Variants in LHFPL3 observed in about 807,000 individuals in gnomAD.
LHFPL3 encodes the protein LHFPL tetraspan subfamily member 3 protein.
LHFPL3 carries 5 observed loss-of-function variants against 19.3 expected under a neutral mutation model. That is an observed-to-expected ratio of 0.26 (90% confidence interval 0.14 to 0.54). The LOEUF is 0.54. Among genes scored for constraint, LHFPL3 ranks in the 20% least tolerant of loss-of-function variants. LHFPL3 has a pLI of 0.94. For synonymous variants in LHFPL3, 133 were observed against 126.2 expected, an observed-to-expected ratio of 1.05 and a Z score of -0.36; for missense variants, 249 against 307.4, an observed-to-expected ratio of 0.81 and a Z score of 1.42.
rs11393448 is a variant in LHFPL3 at position 104,473,695 on chromosome 7, T to TG, written c.445+144475dup. 9.8e-3 allele frequency among the ~76,000 whole-genome samples: 1,488 copies of TG among 152,342 alleles called. 23 individuals are homozygous for TG. Among genetic ancestry groups the TG allele is most frequent in the African/African-American group, 0.034 (1,402 of 41,574 alleles). On this transcript the variant is annotated intron_variant, in intron 1 of 2. Coordinates refer to ENST00000424859, the MANE Select transcript of LHFPL3 (RefSeq NM_199000.3). ...TTAGAATAAAACAGTCTCTATCTGA[T>TG]GGGGCTGGTGTGGGAGTTAGATGAG...
intron 1 of LHFPL3, among the ~76,000 whole-genome samples, chr7:104,355,135 T>A (rs1178431029): frequency 1.3e-5 from 2 of 152,228 alleles, no homozygotes; most frequent in Admixed American, 6.5e-5. Context: ...GGCCAAATAG[T>A]ACTGCTTTCC....
intron 1 of LHFPL3, among the ~76,000 whole-genome samples, chr7:104,354,717 G>A (rs1340088340): frequency 6.6e-6 from 1 of 152,078 alleles, no homozygotes; most frequent in Non-Finnish European, 1.5e-5. Context: ...GTCATGGTCA[G>A]GACCCTGACC....
intron 1 of LHFPL3, among the ~76,000 whole-genome samples, chr7:104,499,526 C>T (rs1211320428): frequency 6.6e-6 from 1 of 152,190 alleles, no homozygotes; most frequent in Non-Finnish European, 1.5e-5. Flanking sequence ...TGTCTACTGC[C>T]AGCCTGGTTC....
At chr7:104,433,283 A>G (rs567958633) in intron 1 of LHFPL3, among the ~76,000 whole-genome samples, 28 of 152,240 alleles carry the variant, frequency 1.8e-4, no homozygotes, top group Non-Finnish European at 3.1e-4. Flanking sequence ...GCTTAAAAGA[A>G]TAAGTGTGAA....
At chr7:104,832,341 GGTTTTGCTCCCAGATACACATTCA>G (rs1210172161) in intron 2 of LHFPL3, among the ~76,000 whole-genome samples, 9 of 151,892 alleles carry the variant, frequency 5.9e-5, no homozygotes, top group Admixed American at 5.2e-4. Context: ...TGAAGGACCT[GGTTTTGCTCCCAGATACACATTCA>G]GTGGCTCTTA....
At chr7:104,675,766 C>A (rs1792578302) in intron 1 of LHFPL3, among the ~76,000 whole-genome samples, 1 of 152,074 alleles carries the variant, frequency 6.6e-6, no homozygotes. Flanking sequence ...GTTTTTTGAC[C>A]TGAGAAGCTA....
chr7:104,868,387 G>A (rs1416529241), intron 2 of LHFPL3, among the ~76,000 whole-genome samples: 2 of 152,108 alleles, frequency 1.3e-5, no homozygotes, highest in African/African-American at 2.4e-5. Flanking sequence ...AAAGTCTCAG[G>A]ATACAAAATC....
At chr7:104,479,116 T>G (rs1301907647) in intron 1 of LHFPL3, among the ~76,000 whole-genome samples, 1 of 152,152 alleles carries the variant, frequency 6.6e-6, no homozygotes, top group Non-Finnish European at 1.5e-5. Context: ...GGAAAGGACT[T>G]CCTGCTGGAA....
chr7:104,810,767 A>T (rs1790450800), intron 2 of LHFPL3, among the ~76,000 whole-genome samples: 1 of 152,226 alleles, frequency 6.6e-6, no homozygotes, highest in Non-Finnish European at 1.5e-5. Flanking sequence ...AGCTGGAGGA[A>T]CCAACAAGGT....
At chr7:104,593,176 A>C (rs936488534) in intron 1 of LHFPL3, among the ~76,000 whole-genome samples, 2 of 151,938 alleles carry the variant, frequency 1.3e-5, no homozygotes, top group Admixed American at 6.6e-5. Flanking sequence ...GTGGGCATTT[A>C]GTGCTATAAA....
intron 1 of LHFPL3, among the ~76,000 whole-genome samples, chr7:104,699,071 A>C (rs1322864392): frequency 6.6e-6 from 1 of 152,166 alleles, no homozygotes; most frequent in African/African-American, 2.4e-5. Context: ...TAGAAATTGG[A>C]ACACTTGTGC....
chr7:104,382,975 A>G (rs1442236986), intron 1 of LHFPL3, among the ~76,000 whole-genome samples: 2 of 66,832 alleles, frequency 3.0e-5, no homozygotes, highest in Admixed American at 3.1e-4. Context: ...TAAGTACATT[A>G]TTTGCCCCCA....
intron 2 of LHFPL3, among the ~76,000 whole-genome samples, chr7:104,875,764 A>C (rs1791926719): frequency 6.6e-6 from 1 of 152,250 alleles, no homozygotes; most frequent in South Asian, 2.1e-4. Flanking sequence ...TCAAGTACTG[A>C]TTCCATCTTT....
chr7:104,390,901 C>T lies in LHFPL3; in HGVS notation c.445+61677C>T, dbSNP rs562233376. Among the ~76,000 whole-genome samples the T allele has an allele frequency of 7.9e-5, 12 of 152,208 alleles. No individual in the cohort carries two copies. The East Asian group carries it at 1.4e-3, about 17-fold the overall frequency. On this transcript the variant is annotated intron_variant, in intron 1 of 2. Coordinates refer to ENST00000424859, the MANE Select transcript of LHFPL3 (RefSeq NM_199000.3). ...CTAACTGGTATGAGATGGTATCTCA[C>T]TGTGGTTTTGATTTGCATTTCTCTG...
intron 1 of LHFPL3, among the ~76,000 whole-genome samples, chr7:104,516,398 C>T (rs1793922191): frequency 6.6e-6 from 1 of 152,008 alleles, no homozygotes; most frequent in African/African-American, 2.4e-5. Context: ...CACAGCCAAA[C>T]CATATCAACA....
Position 104,355,938 on chromosome 7 carries a change from T to A in LHFPL3, c.445+26714T>A, listed in dbSNP as rs1167134746. Among the ~76,000 whole-genome samples, 5 of 152,202 alleles carry A rather than the reference T, an allele frequency of 3.3e-5. No homozygotes were observed. The South Asian group carries it at 6.2e-4, about 19-fold the overall frequency. ...TCATTTTAATAAGAAATATATGATA[T>A]AGAAAGATAAATTTTCATCTTTATA... On this transcript the variant is annotated intron_variant, in intron 1 of 2. Coordinates refer to ENST00000424859, the MANE Select transcript of LHFPL3 (RefSeq NM_199000.3).
intron 1 of LHFPL3, among the ~76,000 whole-genome samples, chr7:104,520,741 G>A (rs1310510027): frequency 7.4e-6 from 1 of 135,530 alleles, no homozygotes; most frequent in East Asian, 2.0e-4. Flanking sequence ...GCGTAGAGGT[G>A]TTTGTAGTAT....
chr7:104,762,469 G>A (rs965052244), intron 2 of LHFPL3, among the ~76,000 whole-genome samples: 12 of 152,130 alleles, frequency 7.9e-5, no homozygotes, highest in South Asian at 4.1e-4. Context: ...AACTAAATAC[G>A]GAAGAGGAGA....
At chr7:104,821,323 G>A (rs1337135072) in intron 2 of LHFPL3, among the ~76,000 whole-genome samples, 2 of 152,178 alleles carry the variant, frequency 1.3e-5, no homozygotes, top group African/African-American at 2.4e-5. Flanking sequence ...CTCCTCGTGG[G>A]TGGCAGGGGC....
Sources: allele counts gnomAD v4.1 joint callset (sites outside exome capture counted in the v4.1 genomes callset), GRCh38; gene constraint gnomAD v4.1.1; transcripts MANE v1.5; gene names NCBI Gene and HGNC (gene_info 2026-07-23, HGNC 2026-07-21).